Variants in FAM107A observed in about 807,000 individuals in gnomAD.
The protein encoded by FAM107A is actin-associated protein FAM107A.
Under a neutral mutation model 13.7 loss-of-function variants are expected in FAM107A, and 19 were observed. The ratio of observed to expected loss-of-function variants is 1.38; its 90% confidence interval spans 0.97 to 2.03. The LOEUF (loss-of-function observed/expected upper bound fraction) is 2.03, where lower values mean the gene tolerates loss of function less well. Ranked by LOEUF, FAM107A falls within the 30% of genes most tolerant of loss-of-function variation. The probability of loss-of-function intolerance (pLI) is 0.00; values close to 1 mark genes in which losing one functional copy is unlikely to be tolerated. For synonymous variants in FAM107A, 82 were observed against 74.5 expected (o/e 1.10, Z -0.52); for missense variants, 203 against 184.4 (o/e 1.10, Z -0.58).
At chr3:58,592,418 A>G (rs1220535594) in intron 1 of FAM107A, among the ~76,000 whole-genome samples, 2 of 152,188 alleles carry the variant, frequency 1.3e-5, no homozygotes, top group Non-Finnish European at 1.5e-5. Flanking sequence ...CTTTACTCAC[A>G]TGCCCCGAGT....
At chr3:58,595,385 C>A (rs1429586449) in intron 1 of FAM107A, among the ~76,000 whole-genome samples, 2 of 152,200 alleles carry the variant, frequency 1.3e-5, no homozygotes, top group African/African-American at 4.8e-5. Flanking sequence ...CCAGGTCCTG[C>A]CTTAACTGAT....
In FAM107A at chr3:58,604,513, C is replaced by T. The variant is rs1197212541; in HGVS notation, c.-69-15244G>A. Among the ~76,000 whole-genome samples, 4 of 152,142 alleles carry T rather than the reference C, an allele frequency of 2.6e-5. No homozygotes were observed. In the East Asian group the frequency reaches 5.8e-4, roughly 22 times the overall value. On this transcript the variant is annotated intron_variant, in intron 1 of 3. Transcript: ENST00000465970. This position sits in a 1 kb window ranked among gnomAD's most constrained non-coding sequence, Gnocchi z 4.1. ...AGGGACTCGCACAGTGAGTTAGTGG[C>T]AGGGTCATAACTTGTTTCTCTCATT...
At chr3:58,597,355 C>A (rs1004589207) in intron 1 of FAM107A, among the ~76,000 whole-genome samples, 1 of 152,210 alleles carries the variant, frequency 6.6e-6, no homozygotes, top group Admixed American at 6.5e-5. Flanking sequence ...CACTCCCATA[C>A]ACAATGCTTT....
Position 58,576,427 on chromosome 3 carries a change from C to T in FAM107A, c.-6+882G>A, listed in dbSNP as rs755347762. Among the ~76,000 whole-genome samples the T allele has an allele frequency of 4.1e-4, 62 of 152,250 alleles. 1 individual carries two copies. The highest frequency in any genetic ancestry group is 4.6e-4 in the Non-Finnish European group (31 of 68,044). ...ACAAGCATCAGCAGACCTGGAATCC[C>T]TGCTGGCTCATTAGTGGCATGATGT... is the stretch of plus-strand genomic sequence containing the variant. On this transcript the variant is annotated intron_variant, in intron 1 of 3. Coordinates refer to ENST00000360997, the MANE Select transcript of FAM107A (RefSeq NM_001076778.3).
upstream of FAM107A, among the ~76,000 whole-genome samples, chr3:58,580,410 G>GGT (rs1470629459): frequency 7.6e-6 from 1 of 131,676 alleles, no homozygotes; most frequent in Admixed American, 7.6e-5. Context: ...TAGGAATCTG[G>GGT]ATTTTTTTTT....
At chr3:58,589,991 G>T (rs866606879), upstream of FAM107A, among the ~76,000 whole-genome samples, 103 of 152,268 alleles carry the variant, frequency 6.8e-4, no homozygotes, top group African/African-American at 2.4e-3. Flanking sequence ...TTCAGGGCTT[G>T]GTCCTTAGGG....
chr3:58,578,496 A>T (rs1223765434), upstream of FAM107A, among the ~76,000 whole-genome samples: 1 of 152,152 alleles, frequency 6.6e-6, no homozygotes, highest in Non-Finnish European at 1.5e-5. Flanking sequence ...TGAACTTGGG[A>T]GGCAGAGTTT....
Position 58,624,019 on chromosome 3 carries a change from G to A in FAM107A, c.-70+3397C>T, listed in dbSNP as rs575188611. Among the ~76,000 whole-genome samples, 11 of 152,280 alleles carry A rather than the reference G, an allele frequency of 7.2e-5. No homozygotes were observed. In the East Asian group the frequency reaches 7.7e-4, roughly 11 times the overall value. On this transcript the variant is annotated intron_variant, in intron 1 of 3. Transcript: ENST00000465970. ...GCCACTGCTGATTGGGGTGGAGGAC[G>A]GCGTGCCCACACTCTGTTGGTGTCT...
chr3:58,593,632 C>T (rs755920401), intron 1 of FAM107A, among the ~76,000 whole-genome samples: 10 of 151,740 alleles, frequency 6.6e-5, no homozygotes, highest in Non-Finnish European at 1.0e-4. Flanking sequence ...GTTCTCCAGT[C>T]GCTCCCTACC....
At chr3:58,611,222 A>G (rs2065851054) in intron 1 of FAM107A, among the ~76,000 whole-genome samples, 1 of 152,146 alleles carries the variant, frequency 6.6e-6, no homozygotes, top group Admixed American at 6.5e-5. Flanking sequence ...GTATCTCTTC[A>G]TAGCAGCATG....
intron 1 of FAM107A, among the ~76,000 whole-genome samples, chr3:58,592,842 G>T (rs1357663787): frequency 6.6e-6 from 1 of 152,092 alleles, no homozygotes; most frequent in African/African-American, 2.4e-5. Flanking sequence ...TTATATGGAC[G>T]CACTTTCTTG....
intron 1 of FAM107A, among the ~76,000 whole-genome samples, chr3:58,586,525 A>C (rs2065607234): frequency 6.6e-6 from 1 of 152,068 alleles, no homozygotes; most frequent in Non-Finnish European, 1.5e-5. Flanking sequence ...TCGTCCCTAC[A>C]AAAAATTTAA....
At chr3:58,585,984 A>G (rs758598493) in intron 1 of FAM107A, among the ~76,000 whole-genome samples, 1 of 152,226 alleles carries the variant, frequency 6.6e-6, no homozygotes, top group Non-Finnish European at 1.5e-5. Flanking sequence ...CCTATCATCC[A>G]ACCCCCAACC....
intron 2 of FAM107A, among the ~76,000 whole-genome samples, chr3:58,567,735 A>C (rs2063637268): frequency 6.6e-6 from 1 of 152,194 alleles, no homozygotes; most frequent in South Asian, 2.1e-4. Context: ...TGCCTGAGAA[A>C]GGTTATCCAG....
At chr3:58,583,420 C>T (rs937470512) in intron 1 of FAM107A, among the ~76,000 whole-genome samples, 5 of 152,178 alleles carry the variant, frequency 3.3e-5, no homozygotes, top group South Asian at 2.1e-4. Context: ...GTCAGGAGTT[C>T]GAGACCAGCC....
intron 1 of FAM107A, among the ~76,000 whole-genome samples, chr3:58,598,960 A>G (rs1575450857): frequency 1.3e-5 from 2 of 151,278 alleles, no homozygotes; most frequent in South Asian, 4.2e-4. Flanking sequence ...CTTTTTTTTG[A>G]GACGGAGTTT....
At chr3:58,596,969 G>A (rs1040349156) in intron 1 of FAM107A, among the ~76,000 whole-genome samples, 1 of 152,112 alleles carries the variant, frequency 6.6e-6, no homozygotes, top group African/African-American at 2.4e-5. Flanking sequence ...TTTTGGCCTG[G>A]CTTTTTTACT....
exon 1 of FAM107A, chr3:58,586,937 G>A (rs527773171): frequency 1.3e-4 from 201 of 1,528,156 alleles, no homozygotes; most frequent in African/African-American, 1.2e-3. Context: ...TCTGCGCCAT[G>A]CCCCCGCGCC....
At chr3:58,591,121 T>C (rs978646189), upstream of FAM107A, among the ~76,000 whole-genome samples, 1 of 152,074 alleles carries the variant, frequency 6.6e-6, no homozygotes, top group Non-Finnish European at 1.5e-5. The surrounding 1 kb of genome is among the most constrained non-coding windows in gnomAD (Gnocchi z 4.3). Flanking sequence ...GTTCACATTC[T>C]AGAGTGGGAG....
Sources: gnomAD v4.1 joint callset for allele counts (sites outside exome capture counted in the v4.1 genomes callset) on GRCh38, gnomAD v4.1.1 for gene constraint, Gnocchi (gnomAD v3.1) non-coding constraint, MANE v1.5 for transcripts, NCBI Gene and HGNC (gene_info 2026-07-23, HGNC 2026-07-21) for gene names.